The following LHFPL3 variants were observed in gnomAD, a reference collection of about 807,000 sequenced individuals.
The protein encoded by LHFPL3 is LHFPL tetraspan subfamily member 3 protein.
In LHFPL3, 5 loss-of-function variants were observed where a neutral mutation model predicts 19.3. That is an observed-to-expected ratio of 0.26 (90% CI 0.14 to 0.54). The LOEUF (loss-of-function observed/expected upper bound fraction) is 0.54, where lower values mean the gene tolerates loss of function less well. LHFPL3 is among the 20% of genes least tolerant of loss of function. The probability of loss-of-function intolerance (pLI) is 0.94; values close to 1 mark genes in which losing one functional copy is unlikely to be tolerated. For synonymous variants in LHFPL3, 133 were observed against 126.2 expected (o/e 1.05, Z -0.36); for missense variants, 249 against 307.4 (o/e 0.81, Z 1.42).
chr7:104,857,135 G>A (rs189478161), intron 2 of LHFPL3, among the ~76,000 whole-genome samples: 4 of 152,190 alleles, frequency 2.6e-5, no homozygotes, highest in African/African-American at 4.8e-5. Context: ...GTACACATGA[G>A]GACACCATAG....
chr7:104,447,389 T>C (rs1481880772), intron 1 of LHFPL3, among the ~76,000 whole-genome samples: 1 of 152,186 alleles, frequency 6.6e-6, no homozygotes, highest in Middle Eastern at 3.2e-3. Context: ...CTTTTTCTAA[T>C]TGGTCAATCA....
At chr7:104,757,009 C>A (rs1230276631) in intron 2 of LHFPL3, among the ~76,000 whole-genome samples, 3 of 152,000 alleles carry the variant, frequency 2.0e-5, no homozygotes, top group Non-Finnish European at 4.4e-5. Context: ...TGGTGCCCTA[C>A]AAGTGAGAAA....
intron 1 of LHFPL3, among the ~76,000 whole-genome samples, chr7:104,540,772 G>A (rs150291123): frequency 3.9e-4 from 59 of 152,212 alleles, no homozygotes; most frequent in African/African-American, 1.4e-3. Context: ...TAGGCCTGTA[G>A]TCAGTCAATG....
At chr7:104,822,669 C>T (rs1372251015) in intron 2 of LHFPL3, among the ~76,000 whole-genome samples, 1 of 152,122 alleles carries the variant, frequency 6.6e-6, no homozygotes, top group Non-Finnish European at 1.5e-5. Context: ...CAAAGGCACC[C>T]TGTGGGCTGG....
chr7:104,453,099 G>A (rs1161332916), intron 1 of LHFPL3, among the ~76,000 whole-genome samples: 1 of 152,100 alleles, frequency 6.6e-6, no homozygotes, highest in Non-Finnish European at 1.5e-5. Context: ...GTATTTAATA[G>A]TGCTTTTAAA....
chr7:104,642,897 G>T (rs1044884597), intron 1 of LHFPL3, among the ~76,000 whole-genome samples: 1 of 152,168 alleles, frequency 6.6e-6, no homozygotes, highest in Admixed American at 6.6e-5. Flanking sequence ...AGCTGTCATT[G>T]TGTTGTTGTT....
intron 2 of LHFPL3, among the ~76,000 whole-genome samples, chr7:104,857,813 G>A (rs1791538123): frequency 6.6e-6 from 1 of 152,122 alleles, no homozygotes; most frequent in Non-Finnish European, 1.5e-5. Flanking sequence ...TCCCAAAACT[G>A]GCACCCTCGG....
At chr7:104,598,047 G>A (rs1790897087) in intron 1 of LHFPL3, among the ~76,000 whole-genome samples, 1 of 152,068 alleles carries the variant, frequency 6.6e-6, no homozygotes, top group African/African-American at 2.4e-5. Flanking sequence ...AAATTTTATG[G>A]GGACAATGTC....
intron 1 of LHFPL3, among the ~76,000 whole-genome samples, chr7:104,568,478 T>A (rs1262751918): frequency 1.3e-5 from 2 of 152,190 alleles, no homozygotes; most frequent in Non-Finnish European, 2.9e-5. Context: ...CTGGTAAATG[T>A]TAAATAACTT....
chr7:104,474,684 CAACAAAA>C (rs1262029952), intron 1 of LHFPL3, among the ~76,000 whole-genome samples: 12 of 70,812 alleles, frequency 1.7e-4, no homozygotes, highest in African/African-American at 5.9e-4. Context: ...ACAACAACAA[CAACAAAA>C]AAAAAAAAAA....
At chr7:104,592,580 G>C (rs1034607062) in intron 1 of LHFPL3, among the ~76,000 whole-genome samples, 3 of 152,142 alleles carry the variant, frequency 2.0e-5, no homozygotes, top group Non-Finnish European at 2.9e-5. Flanking sequence ...CAGTCTATCT[G>C]TTCTCAGATC....
At chr7:104,647,691 A>G (rs1481750014) in intron 1 of LHFPL3, among the ~76,000 whole-genome samples, 1 of 152,220 alleles carries the variant, frequency 6.6e-6, no homozygotes, top group African/African-American at 2.4e-5. Flanking sequence ...ACAGTGCACA[A>G]ATCTCAATGA....
intron 2 of LHFPL3, among the ~76,000 whole-genome samples, chr7:104,787,178 C>T (rs1246958141): frequency 1.3e-5 from 2 of 152,194 alleles, no homozygotes; most frequent in South Asian, 4.1e-4. Context: ...TGTTATTCAG[C>T]TTATGCACTC....
intron 2 of LHFPL3, among the ~76,000 whole-genome samples, chr7:104,789,041 T>C (rs184658333): frequency 6.6e-6 from 1 of 152,348 alleles, no homozygotes; most frequent in Non-Finnish European, 1.5e-5. Context: ...TTGTGGACTA[T>C]GCTTTTTTAA....
chr7:104,336,536 A>AG (rs1452142279), intron 1 of LHFPL3, among the ~76,000 whole-genome samples: 3 of 151,934 alleles, frequency 2.0e-5, no homozygotes, highest in Admixed American at 1.3e-4. Flanking sequence ...GGGGCTTGCA[A>AG]GGGGAAGATA....
chr7:104,477,945 G>A (rs116491685), intron 1 of LHFPL3, among the ~76,000 whole-genome samples: 35 of 152,268 alleles, frequency 2.3e-4, no homozygotes, highest in African/African-American at 8.4e-4. Context: ...AAAAGCACTA[G>A]GGGTTAGTCC....
At position 104,399,433 on chromosome 7, in the gene LHFPL3, T is replaced by G. The variant is rs367643113; in HGVS notation, c.445+70209T>G. On this transcript the variant is annotated intron_variant, in intron 1 of 2. Coordinates refer to ENST00000424859, the MANE Select transcript of LHFPL3 (RefSeq NM_199000.3). This position sits in a 1 kb window ranked among gnomAD's most constrained non-coding sequence, Gnocchi z 4.4. ...CCTGGAAATGTACTATGTTCTTCTGTTTTTTTTTGTTTTTTAGGTTTTTTT... is the reference window on the plus strand; with the variant it reads ...CCTGGAAATGTACTATGTTCTTCTGGTTTTTTTTGTTTTTTAGGTTTTTTT... Among the ~76,000 whole-genome samples the G allele has an allele frequency of 4.0e-5, 4 of 99,340 alleles. No individual in the cohort carries two copies. Among genetic ancestry groups the G allele is most frequent in the Admixed American group, 1.0e-4 (1 of 9,714 alleles). The allele number at this position is 99,340 out of a possible 152,430, so 65.2% of individuals were successfully genotyped here. A position where few individuals can be genotyped will look rare whatever the true frequency, so the allele number is the denominator to read the frequency against.
intron 1 of LHFPL3, among the ~76,000 whole-genome samples, chr7:104,378,211 C>G (rs778407597): frequency 1.3e-5 from 2 of 152,158 alleles, no homozygotes; most frequent in Non-Finnish European, 2.9e-5. Context: ...CTAACACTTC[C>G]CTCCTGCCTT....
rs116917266 is a variant in LHFPL3 at position 104,742,700 on chromosome 7, T to C, written c.682+5789T>C. Among the ~76,000 whole-genome samples, 677 of 152,314 alleles carry C rather than the reference T, an allele frequency of 4.4e-3. 3 individuals are homozygous for C. Among genetic ancestry groups the C allele is most frequent in the Middle Eastern group, 0.017 (5 of 294 alleles). On this transcript the variant is annotated intron_variant, in intron 2 of 2. Transcript: ENST00000424859. ...TGACCAAATGTCATCTGAGGGTCTTTCTAGCTATAATATATTTCAATTCTA... is the reference window on the plus strand; with the variant it reads ...TGACCAAATGTCATCTGAGGGTCTTCCTAGCTATAATATATTTCAATTCTA...
Sources: gnomAD v4.1 joint callset for allele counts (sites outside exome capture counted in the v4.1 genomes callset) on GRCh38, gnomAD v4.1.1 for gene constraint, Gnocchi (gnomAD v3.1) non-coding constraint, MANE v1.5 for transcripts, NCBI Gene and HGNC (gene_info 2026-07-23, HGNC 2026-07-21) for gene names.